KLF16: variants seen among roughly 807,000 people sequenced by gnomAD.
The protein encoded by KLF16 is KLF transcription factor 16, also known as Krueppel-like factor 16.
Under a neutral mutation model 6.1 loss-of-function variants are expected in KLF16, and 6 were observed. That is an observed-to-expected ratio of 0.98 (90% CI 0.54 to 1.93). The LOEUF (loss-of-function observed/expected upper bound fraction) is 1.93. Ranked by LOEUF, KLF16 falls within the 30% of genes most tolerant of loss-of-function variation. KLF16 has a pLI of 0.01. For missense variants in KLF16, 355 were observed against 363.8 expected (o/e 0.98, Z 0.20); for synonymous variants, 211 against 176.5 (o/e 1.20, Z -1.55).
In KLF16 at chr19:1,863,162, C is replaced by A; in HGVS notation, c.336G>T (p.Ser112=). The A allele has an allele frequency of 7.8e-7, 1 of 1,287,658 alleles. No individual in the cohort carries two copies. Among genetic ancestry groups the A allele is most frequent in the Non-Finnish European group, 1.0e-6 (1 of 1,000,094 alleles). The allele number at this position is 1,287,658 out of a possible 1,614,324, so 79.8% of individuals were successfully genotyped here. ...SSSSAASSPS[S]GRAPGAAPSA... Reference sequence around the variant, plus strand: ...AGGGCGCGGCGCCGGGGGCGCGGCCCGAGGACGGGGACGAGGCGGCTGAGG... The same window carrying A: ...AGGGCGCGGCGCCGGGGGCGCGGCCAGAGGACGGGGACGAGGCGGCTGAGG... Residue 112 remains serine (S), a synonymous_variant, in exon 1 of 2, where the codon TCG becomes TCT. Coordinates refer to ENST00000250916, the MANE Select transcript of KLF16 (RefSeq NM_031918.4).
At chr19:1,867,464 C>T (rs924637146), upstream of KLF16, among the ~76,000 whole-genome samples, 5 of 152,194 alleles carry the variant, frequency 3.3e-5, no homozygotes, top group Non-Finnish European at 5.9e-5. Flanking sequence ...GGTCCCAGCT[C>T]TTCGGGAGGC....
Position 1,857,400 on chromosome 19 carries a change from C to T in KLF16, c.458-2640G>A, listed in dbSNP as rs1191701642. On this transcript the variant is annotated intron_variant, in intron 1 of 1. Transcript: ENST00000250916. This position sits in a 1 kb window ranked among gnomAD's most constrained non-coding sequence, Gnocchi z 4.7. ...GCCGAGACGCAGCGCCCTGAGGATG[C>T]GGTGGGTGGGGACAACGCGGGAGGG... Among the ~76,000 whole-genome samples the T allele has an allele frequency of 6.6e-6, 1 of 152,160 alleles. No individual in the cohort carries two copies. The highest frequency in any genetic ancestry group is 2.1e-4 in the South Asian group (1 of 4,836).
chr19:1,858,114 C>G (rs1051544570), intron 1 of KLF16, among the ~76,000 whole-genome samples: 1 of 151,976 alleles, frequency 6.6e-6, no homozygotes, highest in Admixed American at 6.5e-5. Flanking sequence ...CCGCCAAACA[C>G]GCAGGCAGGC....
intron 1 of KLF16, among the ~76,000 whole-genome samples, chr19:1,862,380 T>C (rs2012083546): frequency 6.6e-6 from 1 of 152,040 alleles, no homozygotes; most frequent in Non-Finnish European, 1.5e-5. Context: ...GCCAGGGAAA[T>C]ACAGCAGTGT....
At chr19:1,859,114 C>T (rs1047826188) in intron 1 of KLF16, among the ~76,000 whole-genome samples, 8 of 151,708 alleles carry the variant, frequency 5.3e-5, no homozygotes, top group African/African-American at 1.9e-4. Context: ...TGCCCCACTC[C>T]GACCCTCCCC....
At chr19:1,865,608 C>T (rs911750802), upstream of KLF16, among the ~76,000 whole-genome samples, 37 of 152,238 alleles carry the variant, frequency 2.4e-4, no homozygotes, top group African/African-American at 8.9e-4. Flanking sequence ...AGGACCTTCA[C>T]TGTGAGACTC....
upstream of KLF16, among the ~76,000 whole-genome samples, chr19:1,867,291 C>T (rs894346890): frequency 5.9e-5 from 9 of 152,154 alleles, no homozygotes; most frequent in Admixed American, 1.3e-4. Flanking sequence ...GCTGCAGGGC[C>T]GGGTGCAGTG....
chr19:1,871,777 C>A, the KLF16 span, among the ~76,000 whole-genome samples: 1 of 152,136 alleles, frequency 6.6e-6, no homozygotes, highest in African/African-American at 2.4e-5. Context: ...CGAGGTCACC[C>A]TGCTGGCCGA....
At position 1,857,063 on chromosome 19, in the gene KLF16, G is replaced by A. The variant is rs1486993721; in HGVS notation, c.458-2303C>T. On this transcript the variant is annotated intron_variant, in intron 1 of 1. Coordinates refer to ENST00000250916, the MANE Select transcript of KLF16 (RefSeq NM_031918.4). The surrounding 1 kb of genome is among the most constrained non-coding windows in gnomAD (Gnocchi z 4.7). ...CGCAGCCCCAGCCGGCCCCGCTCAC[G>A]TGGTCCCACTCCCGCCGGGGCCAGG... 2.7e-5 allele frequency among the ~76,000 whole-genome samples: 4 copies of A among 150,050 alleles called. No individual in the cohort carries two copies. The highest frequency in any genetic ancestry group is 9.9e-5 in the African/African-American group (4 of 40,344).
intron 1 of KLF16, among the ~76,000 whole-genome samples, chr19:1,855,025 A>G (rs1260467942): frequency 6.6e-6 from 1 of 152,106 alleles, no homozygotes; most frequent in Non-Finnish European, 1.5e-5. Context: ...AGAATCTGTT[A>G]ACCGTAAGTA....
chr19:1,865,670 C>A (rs570881202), upstream of KLF16, among the ~76,000 whole-genome samples: 1 of 152,314 alleles, frequency 6.6e-6, no homozygotes, highest in Non-Finnish European at 1.5e-5. Flanking sequence ...GTGGCCTCAT[C>A]TGCAGGTCAT....
chr19:1,860,778 G>A (rs2012049182), intron 1 of KLF16, among the ~76,000 whole-genome samples: 1 of 152,186 alleles, frequency 6.6e-6, no homozygotes, highest in African/African-American at 2.4e-5. Flanking sequence ...AAAAGAGGCC[G>A]TTTACACAGA....
the KLF16 span, chr19:1,875,656 G>C: frequency 6.6e-6 from 1 of 152,282 alleles, no homozygotes; most frequent in African/African-American, 2.4e-5. Flanking sequence ...AGCTCGCAGG[G>C]AGCTCAGGTT....
upstream of KLF16, among the ~76,000 whole-genome samples, chr19:1,867,820 T>C (rs2012210809): frequency 6.6e-6 from 1 of 152,082 alleles, no homozygotes; most frequent in Admixed American, 6.6e-5. Flanking sequence ...TGAGCCAAGA[T>C]TGTACTACTG....
upstream of KLF16, among the ~76,000 whole-genome samples, chr19:1,863,940 T>G (rs1477142412): frequency 3.4e-5 from 3 of 88,012 alleles, no homozygotes; most frequent in South Asian, 3.9e-4. Flanking sequence ...CGCGCCCCAC[T>G]CCAGCGCGCG....
intron 1 of KLF16, among the ~76,000 whole-genome samples, chr19:1,856,751 TG>T (rs1002376135): frequency 5.3e-5 from 8 of 152,124 alleles, no homozygotes; most frequent in African/African-American, 1.9e-4. Context: ...ACCACGGGAT[TG>T]GGGCTCGCGC....
chr19:1,870,080 G>A, the KLF16 span, among the ~76,000 whole-genome samples: 1 of 151,490 alleles, frequency 6.6e-6, no homozygotes. Flanking sequence ...TTACAGGCAC[G>A]TGCCACCAAA....
intron 1 of KLF16, chr19:1,862,707 G>T: frequency 2.2e-5 from 4 of 185,010 alleles, no homozygotes; most frequent in East Asian, 9.9e-5. Context: ...GCCCAGACCA[G>T]AACGCAAAAG....
chr19:1,867,963 CGT>C (rs1568736670), upstream of KLF16, among the ~76,000 whole-genome samples: 13 of 130,224 alleles, frequency 1.0e-4, no homozygotes, highest in African/African-American at 4.4e-4. Context: ...TGTGTGTGTG[CGT>C]GCGCGCATGC....
Sources: allele counts gnomAD v4.1 joint callset (sites outside exome capture counted in the v4.1 genomes callset), GRCh38; gene constraint gnomAD v4.1.1; non-coding constraint Gnocchi (gnomAD v3.1); transcripts MANE v1.5; gene names NCBI Gene and HGNC (gene_info 2026-07-23, HGNC 2026-07-21).